NEK11: variants seen among roughly 807,000 people sequenced by gnomAD.
NEK11 encodes serine/threonine-protein kinase Nek11.
A neutral mutation model predicts 80.7 loss-of-function variants in NEK11; 72 were observed. The observed-to-expected ratio is 0.89, with a 90% CI of 0.74 to 1.08. The LOEUF is 1.08. Ranked by LOEUF, NEK11 falls within the 50% of genes least tolerant of loss-of-function variation. NEK11 has a pLI of 0.00. For synonymous variants in NEK11, 251 were observed against 260.7 expected (o/e 0.96, Z 0.36); for missense variants, 764 against 763.6 (o/e 1.00, Z -0.01).
intron 4 of NEK11, among the ~76,000 whole-genome samples, chr3:131,097,597 G>T (rs1198570515): frequency 6.6e-6 from 1 of 151,882 alleles, no homozygotes; most frequent in African/African-American, 2.4e-5. Flanking sequence ...TTTTTTTCTT[G>T]TAAATCGTGA....
intron 15 of NEK11, among the ~76,000 whole-genome samples, chr3:131,235,719 A>C (rs935226883): frequency 5.9e-5 from 9 of 152,180 alleles, no homozygotes; most frequent in African/African-American, 2.2e-4. Context: ...CACAGCACTC[A>C]ATGCAATTAA....
intron 5 of NEK11, among the ~76,000 whole-genome samples, chr3:131,122,679 A>C (rs1392043446): frequency 2.0e-5 from 3 of 150,510 alleles, no homozygotes; most frequent in Non-Finnish European, 3.0e-5. Context: ...TTCATATCAT[A>C]AACTGTTCAT....
At chr3:131,292,517 T>A (rs184684169) in intron 17 of NEK11, among the ~76,000 whole-genome samples, 1,970 of 145,166 alleles carry the variant, frequency 0.014, 22 homozygotes, top group Middle Eastern at 0.033. Flanking sequence ...ACTAACATCT[T>A]TTTTTTTTTT....
chr3:131,199,350 T>C (rs1161586453), intron 14 of NEK11, among the ~76,000 whole-genome samples: 1 of 152,076 alleles, frequency 6.6e-6, no homozygotes, highest in Non-Finnish European at 1.5e-5. Flanking sequence ...TTCAACCTTA[T>C]TAAATAAATA....
intron 14 of NEK11, among the ~76,000 whole-genome samples, chr3:131,201,840 T>C (rs759288967): frequency 5.9e-5 from 9 of 152,114 alleles, no homozygotes; most frequent in Non-Finnish European, 8.8e-5. Flanking sequence ...TTTATTTTAT[T>C]TTATTTTATT....
chr3:131,226,112 A>C (rs1312600445), intron 14 of NEK11, among the ~76,000 whole-genome samples: 1 of 151,966 alleles, frequency 6.6e-6, no homozygotes, highest in African/African-American at 2.4e-5. Flanking sequence ...GGAAAGAGGG[A>C]GAATGGACAA....
chr3:131,070,036 A>C (rs1282061556), intron 3 of NEK11, among the ~76,000 whole-genome samples: 1 of 152,226 alleles, frequency 6.6e-6, no homozygotes, highest in Non-Finnish European at 1.5e-5. Context: ...TTTGAATATT[A>C]ACCTAACACT....
intron 14 of NEK11, among the ~76,000 whole-genome samples, chr3:131,220,104 T>C (rs1164112263): frequency 1.3e-5 from 2 of 152,220 alleles, no homozygotes; most frequent in Non-Finnish European, 2.9e-5. Flanking sequence ...TCAATTTCTT[T>C]TTGGTTTTTT....
chr3:131,195,813 T>TATATATAA (rs1190848567), intron 14 of NEK11, among the ~76,000 whole-genome samples: 1 of 146,946 alleles, frequency 6.8e-6, no homozygotes, highest in East Asian at 2.0e-4. Flanking sequence ...TATATATATA[T>TATATATAA]ATATATAAAA....
At chr3:131,247,839 GTT>G (rs34755844) in intron 16 of NEK11, among the ~76,000 whole-genome samples, 8,835 of 143,426 alleles carry the variant, frequency 0.062, 350 homozygotes, top group East Asian at 0.18. Flanking sequence ...TATTCCTAGG[GTT>G]TTTTTTTTTT....
At chr3:131,102,282 G>A (rs1401032226) in intron 4 of NEK11, among the ~76,000 whole-genome samples, 2 of 152,170 alleles carry the variant, frequency 1.3e-5, no homozygotes, top group African/African-American at 4.8e-5. Context: ...TGTGGGCTAT[G>A]TGCCTATGTG....
intron 17 of NEK11, among the ~76,000 whole-genome samples, chr3:131,316,207 C>A (rs951876044): frequency 2.4e-4 from 36 of 152,178 alleles, no homozygotes; most frequent in Non-Finnish European, 2.5e-4. Context: ...CAAATAAAAG[C>A]ATGAATCAAG....
intron 2 of NEK11, 147 bp from the exon 3 acceptor site, chr3:131,029,466 C>T (rs1362194846): frequency 3.0e-6 from 1 of 335,104 alleles, no homozygotes; most frequent in Non-Finnish European, 5.4e-6. Context: ...TTTGTGGTAT[C>T]TCTACCTTTT....
At chr3:131,227,326 A>G (rs1395228134) in intron 14 of NEK11, among the ~76,000 whole-genome samples, 1 of 152,158 alleles carries the variant, frequency 6.6e-6, no homozygotes, top group Non-Finnish European at 1.5e-5. Context: ...TGAAAAGCCC[A>G]TTTGTACAGA....
At chr3:131,163,617 T>G (rs1311271952) in intron 11 of NEK11, among the ~76,000 whole-genome samples, 1 of 152,042 alleles carries the variant, frequency 6.6e-6, no homozygotes, top group Non-Finnish European at 1.5e-5. Flanking sequence ...TGTCAAAAGG[T>G]AAAAAGTTTC....
chr3:131,094,347 A>G (rs1247936241), intron 4 of NEK11, among the ~76,000 whole-genome samples: 2 of 152,126 alleles, frequency 1.3e-5, no homozygotes, highest in African/African-American at 2.4e-5. Context: ...AAGTCATGTC[A>G]GAACTTATAA....
Position 131,170,775 on chromosome 3 carries a change from A to G in NEK11, c.1287A>G (p.Glu429=). 6.2e-7 allele frequency: 1 copy of G among 1,603,360 alleles called. No homozygotes were observed. Among genetic ancestry groups the G allele is most frequent in the African/African-American group, 1.3e-5 (1 of 74,820 alleles). Residue 429 remains glutamate, a splice_region_variant and synonymous_variant, in exon 14 of 18, where the codon GAA becomes GAG. Coordinates refer to ENST00000383366, the MANE Select transcript of NEK11 (RefSeq NM_024800.5). ...DEERWQGREE[E]SDEPTLENLP... Reference sequence around the variant, plus strand: ...AATTGTTAATTACCTTCCACAAGGAATCTGATGAACCAACTTTAGAGAACC... The same window carrying G: ...AATTGTTAATTACCTTCCACAAGGAGTCTGATGAACCAACTTTAGAGAACC...
At chr3:131,117,144 A>C (rs1370415353) in intron 5 of NEK11, among the ~76,000 whole-genome samples, 1 of 152,162 alleles carries the variant, frequency 6.6e-6, no homozygotes, top group Non-Finnish European at 1.5e-5. Flanking sequence ...ATCTTGAAGA[A>C]ATTTAATATA....
chr3:131,142,961 C>G (rs975806401), intron 7 of NEK11, among the ~76,000 whole-genome samples: 1 of 152,032 alleles, frequency 6.6e-6, no homozygotes, highest in East Asian at 1.9e-4. Flanking sequence ...CTTGTTTTGT[C>G]AATAATTTTA....
Sources: allele counts gnomAD v4.1 joint callset (sites outside exome capture counted in the v4.1 genomes callset), GRCh38; gene constraint gnomAD v4.1.1; transcripts MANE v1.5; gene names NCBI Gene and HGNC (gene_info 2026-07-23, HGNC 2026-07-21).